PHACTR2: variants seen among roughly 807,000 people sequenced by gnomAD.
PHACTR2 encodes phosphatase and actin regulator 2.
PHACTR2 carries 30 observed loss-of-function variants against 76.0 expected under a neutral mutation model. That is an observed-to-expected ratio of 0.39 (90% CI 0.30 to 0.54). The LOEUF is 0.54. Among genes scored for constraint, PHACTR2 ranks in the 20% least tolerant of loss-of-function variants. PHACTR2 has a pLI of 0.61. For synonymous variants in PHACTR2, 292 were observed against 292.5 expected (o/e 1.00, Z 0.02); for missense variants, 696 against 781.1 (o/e 0.89, Z 1.30).
In PHACTR2 at chr6:143,819,610, GAGT is replaced by G. The variant is rs1346530591; in HGVS notation, c.1923-4062_1923-4060del. 6.6e-6 allele frequency among the ~76,000 whole-genome samples: 1 copy of G among 152,192 alleles called. No individual in the cohort carries two copies. Among genetic ancestry groups the G allele is most frequent in the African/African-American group, 2.4e-5 (1 of 41,458 alleles). On this transcript the variant is annotated intron_variant, in intron 12 of 12. Coordinates refer to ENST00000440869, the MANE Select transcript of PHACTR2 (RefSeq NM_001100164.2). The surrounding 1 kb of genome is among the most constrained non-coding windows in gnomAD (Gnocchi z 5.0). ...GTGGGGAGTACTGGTGTAAGTTCTGGAGTACAAAGGGTGGGGAGCCTGGAGTTG... is the reference window on the plus strand; with the variant it reads ...GTGGGGAGTACTGGTGTAAGTTCTGGACAAAGGGTGGGGAGCCTGGAGTTG...
At chr6:143,728,719 A>G (rs944406816) in intron 2 of PHACTR2, among the ~76,000 whole-genome samples, 1 of 152,212 alleles carries the variant, frequency 6.6e-6, no homozygotes, top group East Asian at 1.9e-4. Context: ...AAAGGTGCCA[A>G]GAATATAGAT....
chr6:143,731,869 T>A lies in PHACTR2; in HGVS notation c.215-17116T>A, dbSNP rs375958242. ...ACCTGAAGATTTCTCTTTTGAAAGATTTAAATAGCATATTCAATTTCTTTT... is the reference window on the plus strand; with the variant it reads ...ACCTGAAGATTTCTCTTTTGAAAGAATTAAATAGCATATTCAATTTCTTTT... On this transcript the variant is annotated intron_variant, in intron 2 of 12. Transcript: ENST00000440869. The surrounding 1 kb of genome is among the most constrained non-coding windows in gnomAD (Gnocchi z 4.9). Among the ~76,000 whole-genome samples the A allele has an allele frequency of 1.3e-5, 2 of 152,228 alleles. No homozygotes were observed. Among genetic ancestry groups the A allele is most frequent in the Admixed American group, 6.5e-5 (1 of 15,286 alleles).
chr6:143,606,967 A>G (rs1474284162), upstream of PHACTR2, among the ~76,000 whole-genome samples: 1 of 152,214 alleles, frequency 6.6e-6, no homozygotes, highest in Non-Finnish European at 1.5e-5. Context: ...TTTAAACAAT[A>G]AAAGAACCTC....
intron 2 of PHACTR2, among the ~76,000 whole-genome samples, chr6:143,713,071 ATTG>A (rs1778217568): frequency 6.6e-6 from 1 of 152,168 alleles, no homozygotes; most frequent in South Asian, 2.1e-4. Flanking sequence ...ACAGTCTAAT[ATTG>A]TTAGTGGATG....
At chr6:143,756,210 C>CTTCACACT (rs1430619956) in intron 4 of PHACTR2, among the ~76,000 whole-genome samples, 3 of 152,102 alleles carry the variant, frequency 2.0e-5, no homozygotes, top group African/African-American at 7.2e-5. Flanking sequence ...ACGTGGTGTC[C>CTTCACACT]TTCACACTTG....
rs1335989089 is a variant in PHACTR2 at position 143,602,719 on chromosome 6, A to G, written c.217+65512A>G. 6.6e-6 allele frequency among the ~76,000 whole-genome samples: 1 copy of G among 152,232 alleles called. No individual in the cohort carries two copies. Among genetic ancestry groups the G allele is most frequent in the African/African-American group, 2.4e-5 (1 of 41,446 alleles). Reference sequence around the variant, plus strand: ...GGTGTTGTCCAAGTGTGGATTCACCAAACCACCTTGGCCAAAAGTCCAAAC... The same window carrying G: ...GGTGTTGTCCAAGTGTGGATTCACCGAACCACCTTGGCCAAAAGTCCAAAC... On this transcript the variant is annotated intron_variant, in intron 1 of 11. Coordinates refer to the PHACTR2 transcript ENST00000367584. The surrounding 1 kb of genome is among the most constrained non-coding windows in gnomAD (Gnocchi z 6.1).
chr6:143,691,646 A>G (rs1325888717), intron 1 of PHACTR2, among the ~76,000 whole-genome samples: 1 of 152,228 alleles, frequency 6.6e-6, no homozygotes, highest in Non-Finnish European at 1.5e-5. Context: ...AGACCACAGA[A>G]TTTCAACTCG....
In PHACTR2 at chr6:143,811,315, A is replaced by C. The variant is rs1034868423; in HGVS notation, c.1922+4182A>C. Among the ~76,000 whole-genome samples the C allele has an allele frequency of 1.5e-4, 23 of 152,206 alleles. No individual in the cohort carries two copies. Among genetic ancestry groups the C allele is most frequent in the African/African-American group, 5.3e-4 (22 of 41,446 alleles). ...ATCCATGTCTATATCCTACTGTTTA[A>C]TTTGGATAGATTTGTAGTGTACTTT... On this transcript the variant is annotated intron_variant, in intron 12 of 12. Transcript: ENST00000440869. The surrounding 1 kb of genome is among the most constrained non-coding windows in gnomAD (Gnocchi z 4.1).
intron 12 of PHACTR2, among the ~76,000 whole-genome samples, chr6:143,815,667 T>C (rs1776281110): frequency 1.3e-5 from 2 of 151,910 alleles, no homozygotes; most frequent in Non-Finnish European, 2.9e-5. Context: ...CCGAGGTAGG[T>C]GGATCACCTG....
rs1776471135 is a variant in PHACTR2, at chr6:143,823,551, T to G, written c.1923-123T>G. ...TGTTATGACAGAAATTTGTAAACAGTAATTCAGTTGGGGGATATCTGGGGT... is the reference window on the plus strand; with the variant it reads ...TGTTATGACAGAAATTTGTAAACAGGAATTCAGTTGGGGGATATCTGGGGT... On this transcript the variant is annotated intron_variant, in intron 12 of 12. Coordinates refer to ENST00000440869, the MANE Select transcript of PHACTR2 (RefSeq NM_001100164.2). The surrounding 1 kb of genome is among the most constrained non-coding windows in gnomAD (Gnocchi z 5.7). 1.5e-6 allele frequency: 1 copy of G among 665,624 alleles called. No homozygotes were observed. Among genetic ancestry groups the G allele is most frequent in the Non-Finnish European group, 2.8e-6 (1 of 363,030 alleles). The allele number at this position is 665,624 out of a possible 1,614,324, so 41.2% of individuals were successfully genotyped here.
chr6:143,538,910 G>C (rs758897532), intron 1 of PHACTR2, among the ~76,000 whole-genome samples: 19 of 152,192 alleles, frequency 1.2e-4, no homozygotes, highest in Non-Finnish European at 2.8e-4. Context: ...CATTGAGTCC[G>C]AATGTTTTTA....
At chr6:143,773,097 C>T (rs1453713209) in intron 7 of PHACTR2, among the ~76,000 whole-genome samples, 1 of 152,140 alleles carries the variant, frequency 6.6e-6, no homozygotes, top group African/African-American at 2.4e-5. Context: ...CCTGTAATTC[C>T]AGCTGCTCGG....
intron 11 of PHACTR2, among the ~76,000 whole-genome samples, chr6:143,796,476 T>C (rs1385190169): frequency 2.0e-5 from 3 of 152,030 alleles, no homozygotes; most frequent in African/African-American, 4.8e-5. Context: ...GTTTGTTACA[T>C]AGGTATACAC....
rs1779184368 is a variant in PHACTR2, at chr6:143,751,672, A to T, written c.296-2082A>T. ...CTCTGTTTTCTTTAAGCTGACAACT[A>T]CGTTTTGAGTTTTCTCTTTCCTTTG... On this transcript the variant is annotated intron_variant, in intron 3 of 12. Transcript: ENST00000440869. This position sits in a 1 kb window ranked among gnomAD's most constrained non-coding sequence, Gnocchi z 5.7. Among the ~76,000 whole-genome samples, 1 of 152,004 alleles carries T rather than the reference A, an allele frequency of 6.6e-6. No homozygotes were observed. The highest frequency in any genetic ancestry group is 2.4e-5 in the African/African-American group (1 of 41,390).
chr6:143,711,871 C>T (rs1175327800), intron 1 of PHACTR2, 145 bp from the exon 2 acceptor site: 3 of 790,820 alleles, frequency 3.8e-6, no homozygotes, highest in Non-Finnish European at 4.5e-6. Context: ...GTCCTACCAG[C>T]TGTGAAATGG....
intron 1 of PHACTR2, among the ~76,000 whole-genome samples, chr6:143,661,454 T>C (rs2128448450): frequency 6.6e-6 from 1 of 151,802 alleles, no homozygotes. Flanking sequence ...ATATAGTAAA[T>C]AAATAAATAT....
intron 1 of PHACTR2, among the ~76,000 whole-genome samples, chr6:143,643,681 C>T (rs1184538133): frequency 2.0e-5 from 3 of 152,146 alleles, no homozygotes; most frequent in Non-Finnish European, 4.4e-5. Flanking sequence ...ATGTTCAGAT[C>T]TAGATAATTA....
chr6:143,564,921 C>T (rs1775340735), intron 1 of PHACTR2, among the ~76,000 whole-genome samples: 1 of 152,048 alleles, frequency 6.6e-6, no homozygotes, highest in African/African-American at 2.4e-5. Flanking sequence ...AGAGATGCTC[C>T]CCTTTTCTAC....
At position 143,736,554 on chromosome 6, in the gene PHACTR2, ATTTTTTTTTTTTTTTTTTTTT is replaced by A. The variant is rs776969170; in HGVS notation, c.215-12413_215-12393del. Among the ~76,000 whole-genome samples, 215 of 57,002 alleles carry A rather than the reference ATTTTTTTTTTTTTTTTTTTTT, an allele frequency of 3.8e-3. 2 individuals carry two copies. Among genetic ancestry groups the A allele is most frequent in the Middle Eastern group, 0.032 (2 of 62 alleles). 37.4% of individuals were successfully genotyped at this position (57,002 alleles called of 152,430 possible). A position where few individuals can be genotyped will look rare whatever the true frequency, so the allele number is the denominator to read the frequency against. Reference sequence around the variant, plus strand: ...TGTAATTTATGCCAAACCCTTTACAATTTTTTTTTTTTTTTTTTTTTTTTTTTTTTTTTTTTTTGAGACGGA... The same window carrying A: ...TGTAATTTATGCCAAACCCTTTACAATTTTTTTTTTTTTTTTTGAGACGGA... On this transcript the variant is annotated intron_variant, in intron 2 of 12. Transcript: ENST00000440869.
Sources: allele counts gnomAD v4.1 joint callset (sites outside exome capture counted in the v4.1 genomes callset), GRCh38; gene constraint gnomAD v4.1.1; non-coding constraint Gnocchi (gnomAD v3.1); transcripts MANE v1.5; gene names NCBI Gene and HGNC (gene_info 2026-07-23, HGNC 2026-07-21).